Variants in PKLR observed in about 807,000 individuals in gnomAD.
The protein encoded by PKLR is pyruvate kinase PKLR.
A neutral mutation model predicts 53.6 loss-of-function variants in PKLR; 38 were observed. The observed-to-expected ratio is 0.71, with a 90% CI of 0.55 to 0.93. PKLR has a LOEUF of 0.93. Ranked by LOEUF, PKLR falls within the 40% of genes least tolerant of loss-of-function variation. The pLI is 0.00. For missense variants in PKLR, 702 were observed against 787.3 expected (o/e 0.89, Z 1.30); for synonymous variants, 328 against 316.2 (o/e 1.04, Z -0.39).
At position 155,293,013 on chromosome 1, in the gene PKLR, T is replaced by G. The variant is rs1024067425; in HGVS notation, c.1436+164A>C. Among the ~76,000 whole-genome samples the G allele has an allele frequency of 6.6e-6, 1 of 152,128 alleles. No individual in the cohort carries two copies. Among genetic ancestry groups the G allele is most frequent in the Admixed American group, 6.5e-5 (1 of 15,272 alleles). On this transcript the variant is annotated intron_variant, in intron 9 of 10. Transcript: ENST00000342741. The surrounding 1 kb of genome is among the most constrained non-coding windows in gnomAD (Gnocchi z 4.2). Reference sequence around the variant, plus strand: ...CCCCTTCCAGCCCCCAGAAGCTCACTGGCATTCTGTCTCTCCTGGCCTCCA... The same window carrying G: ...CCCCTTCCAGCCCCCAGAAGCTCACGGGCATTCTGTCTCTCCTGGCCTCCA...
the PKLR span, among the ~76,000 whole-genome samples, chr1:155,307,810 C>G: frequency 6.6e-6 from 1 of 152,152 alleles, no homozygotes; most frequent in African/African-American, 2.4e-5. Context: ...AACCCCCTCT[C>G]TACTAAAAAC....
chr1:155,295,418 TC>T lies in PKLR; in HGVS notation c.507+18del, dbSNP rs1647523766. ...GCCTTTCCGGCCCTGGCCCAGCGAGTCCCAGCCCCACTGCTCACCCCCTGCA... is the reference window on the plus strand; with the variant it reads ...GCCTTTCCGGCCCTGGCCCAGCGAGTCCAGCCCCACTGCTCACCCCCTGCA... On this transcript the variant is annotated intron_variant, in intron 4 of 10. Coordinates refer to ENST00000342741, the MANE Select transcript of PKLR (RefSeq NM_000298.6). The surrounding 1 kb of genome is among the most constrained non-coding windows in gnomAD (Gnocchi z 4.3). 1 of 1,611,276 alleles carries T rather than the reference TC, an allele frequency of 6.2e-7. No individual in the cohort carries two copies. The highest frequency in any genetic ancestry group is 8.5e-7 in the Non-Finnish European group (1 of 1,178,904).
At position 155,290,989 on chromosome 1, in the gene PKLR, AAATAATAATAATAATAAT is replaced by A. The variant is rs201306934; in HGVS notation, c.1619-329_1619-312del. Among the ~76,000 whole-genome samples the A allele has an allele frequency of 2.4e-3, 320 of 134,130 alleles. 1 individual carries two copies. Among genetic ancestry groups the A allele is most frequent in the African/African-American group, 4.3e-3 (154 of 35,956 alleles). The allele number at this position is 134,130 out of a possible 152,430, so 88.0% of individuals were successfully genotyped here. On this transcript the variant is annotated intron_variant, in intron 10 of 10. Transcript: ENST00000342741. ...GGGGACAGAGCAAGACTCCATCTCAAAATAATAATAATAATAATAATAATAATAATAATAATAATAATA... is the reference window on the plus strand; with the variant it reads ...GGGGACAGAGCAAGACTCCATCTCAAAATAATAATAATAATAATAATAATA...
In PKLR at chr1:155,299,030, CTTTCTCTT is replaced by C. The variant is rs1437315560; in HGVS notation, c.283+1060_283+1067del. 4.3e-4 allele frequency among the ~76,000 whole-genome samples: 36 copies of C among 84,698 alleles called. No individual in the cohort carries two copies. The East Asian group carries it at 4.6e-3, about 11-fold the overall frequency. The allele number at this position is 84,698 out of a possible 152,430, so 55.6% of individuals were successfully genotyped here. A position where few individuals can be genotyped will look rare whatever the true frequency, so the allele number is the denominator to read the frequency against. Reference sequence around the variant, plus strand: ...TCTTTCTTTCTTTCTTTCTTTCTTTCTTTCTCTTTCTTTCTTTCTTTCCTTCCTTCCTT... The same window carrying C: ...TCTTTCTTTCTTTCTTTCTTTCTTTCTCTTTCTTTCTTTCCTTCCTTCCTT... On this transcript the variant is annotated intron_variant, in intron 2 of 10. Coordinates refer to ENST00000342741, the MANE Select transcript of PKLR (RefSeq NM_000298.6).
Position 155,295,868 on chromosome 1 carries a change from G to T in PKLR, c.284-112C>A. On this transcript the variant is annotated intron_variant, in intron 2 of 10. Transcript: ENST00000342741. The surrounding 1 kb of genome is among the most constrained non-coding windows in gnomAD (Gnocchi z 4.3). ...TCACGCCACAGGCGTCCTGTTACCT[G>T]ATCTTTATTCCCTGATGCAACCCCT... The T allele has an allele frequency of 1.2e-6, 1 of 866,342 alleles. No individual in the cohort carries two copies. The highest frequency in any genetic ancestry group is 1.9e-6 in the Non-Finnish European group (1 of 522,410). 53.7% of individuals were successfully genotyped at this position (866,342 alleles called of 1,614,324 possible).
At chr1:155,294,889 CG>C (rs1647470320) in intron 5 of PKLR, 137 bp from the exon 6 acceptor site, 4 of 1,234,004 alleles carry the variant, frequency 3.2e-6, no homozygotes, top group Non-Finnish European at 4.6e-6. Context: ...TTCTGGGCTT[CG>C]CCCGGAAGAG....
At position 155,295,811 on chromosome 1, in the gene PKLR, C is replaced by T; in HGVS notation, c.284-55G>A. On this transcript the variant is annotated intron_variant, in intron 2 of 10. Coordinates refer to ENST00000342741, the MANE Select transcript of PKLR (RefSeq NM_000298.6). The surrounding 1 kb of genome is among the most constrained non-coding windows in gnomAD (Gnocchi z 4.3). ...GTTCCCCCAGAACATGAGAGGCAAC[C>T]AAACCCAACCCATTACCATTCTCAG... 1 of 1,461,542 alleles carries T rather than the reference C, an allele frequency of 6.8e-7. No homozygotes were observed. The highest frequency in any genetic ancestry group is 9.6e-7 in the Non-Finnish European group (1 of 1,041,866). The allele number at this position is 1,461,542 out of a possible 1,614,324, so 90.5% of individuals were successfully genotyped here.
chr1:155,292,426 A>G (rs1167076892), intron 9 of PKLR, among the ~76,000 whole-genome samples: 1 of 152,186 alleles, frequency 6.6e-6, no homozygotes, highest in Non-Finnish European at 1.5e-5. Flanking sequence ...ACCTGAGGTC[A>G]GGAGTTTGAG....
chr1:155,306,283 T>C (rs1466600546), upstream of PKLR, among the ~76,000 whole-genome samples: 2 of 152,150 alleles, frequency 1.3e-5, no homozygotes, highest in Non-Finnish European at 2.9e-5. This position sits in a 1 kb window ranked among gnomAD's most constrained non-coding sequence, Gnocchi z 4.2. Context: ...CAAACACACA[T>C]GCTCCAACAG....
In PKLR at chr1:155,293,304, G is replaced by C. The variant is rs1416978773; in HGVS notation, c.1309C>G (p.Leu437Val). 1.9e-6 allele frequency: 3 copies of C among 1,614,128 alleles called. No individual in the cohort carries two copies. The highest frequency in any genetic ancestry group is 2.5e-6 in the Non-Finnish European group (3 of 1,180,052). ...EAEAAVYHRQLFEELRRAAPL... is the reference protein window; with the variant it reads ...EAEAAVYHRQVFEELRRAAPL... ...GCTGCCCGACGTAGCTCCTCAAACA[G>C]CTGCCGGTGGTACACTGCGGCCTCT... The change falls in exon 9 of 11, where the codon CTG becomes GTG. Residue 437 changes from leucine (L) to valine (V), a missense_variant. Around this residue, in one of 2 missense-constraint regions of PKLR, gnomAD observed 183 missense variants for 250.2 expected, o/e 0.73. Coordinates refer to ENST00000342741, the MANE Select transcript of PKLR (RefSeq NM_000298.6). The surrounding 1 kb of genome is among the most constrained non-coding windows in gnomAD (Gnocchi z 4.2).
At chr1:155,307,678 A>T in the PKLR span, among the ~76,000 whole-genome samples, 10 of 152,228 alleles carry the variant, frequency 6.6e-5, no homozygotes, top group African/African-American at 9.6e-5. Flanking sequence ...TGTTTAGCTT[A>T]TAATCAATAA....
At position 155,300,259 on chromosome 1, in the gene PKLR, C is replaced by T. The variant is rs374805791; in HGVS notation, c.122G>A (p.Arg41Gln). The T allele has an allele frequency of 6.6e-5, 106 of 1,600,686 alleles. No individual in the cohort carries two copies. The East Asian group carries it at 8.2e-4, about 12-fold the overall frequency. ...APGGPAGYLR[R>Q]ASVAQLTQEL... The stretch of plus-strand genomic sequence containing the variant: ...CTGGGTCAGTTGGGCCACACTGGCC[C>T]GCCGCAGATACCCCGCTGGCCCTGT... The change falls in exon 2 of 11, where the codon CGG (arginine) becomes CAG (glutamine). Residue 41 changes from arginine (R) to glutamine (Q), a missense_variant. Around this residue, in one of 2 missense-constraint regions of PKLR, gnomAD observed 519 missense variants for 537.1 expected, o/e 0.97. Transcript: ENST00000342741.
rs1053134596 is a variant in PKLR at position 155,301,061 on chromosome 1, C to A, written c.100+235G>T. 16 of 1,533,316 alleles carry A rather than the reference C, an allele frequency of 1.0e-5. No individual in the cohort carries two copies. In the African/African-American group the frequency reaches 1.5e-4, roughly 14 times the overall value. The allele number at this position is 1,533,316 out of a possible 1,614,324, so 95.0% of individuals were successfully genotyped here. A position where few individuals can be genotyped will look rare whatever the true frequency, so the allele number is the denominator to read the frequency against. ...TATGCCAGGGGCCAGAGTCCAGGAA[C>A]CACGGGAGTGCCCCGTGGCTTACAT... On this transcript the variant is annotated intron_variant, in intron 1 of 10. Coordinates refer to ENST00000342741, the MANE Select transcript of PKLR (RefSeq NM_000298.6).
intron 10 of PKLR, 63 bp downstream of exon 10, chr1:155,291,693 A>G: frequency 6.8e-7 from 1 of 1,475,152 alleles, no homozygotes; most frequent in South Asian, 1.1e-5. Flanking sequence ...GGGTATGGGA[A>G]GCTGGGTTGG....
intron 2 of PKLR, among the ~76,000 whole-genome samples, chr1:155,298,815 G>A (rs971744428): frequency 6.7e-6 from 1 of 149,760 alleles, no homozygotes; most frequent in Non-Finnish European, 1.5e-5. Flanking sequence ...CTAATTTTTT[G>A]TATTTTTAGT....
upstream of PKLR, among the ~76,000 whole-genome samples, chr1:155,305,658 C>T (rs544513551): frequency 2.6e-5 from 4 of 152,262 alleles, no homozygotes; most frequent in East Asian, 7.7e-4. Context: ...GATACAGGGC[C>T]TTCCTCTGTA....
At position 155,293,615 on chromosome 1, in the gene PKLR, G is replaced by A. The variant is rs760811372; in HGVS notation, c.1117-25C>T. On this transcript the variant is annotated intron_variant, in intron 7 of 10. Transcript: ENST00000342741. The surrounding 1 kb of genome is among the most constrained non-coding windows in gnomAD (Gnocchi z 4.2). ...TCTGGGGGACAGCGTGGATGTCAAA[G>A]TTGTAGGACTCACACTGTGACTGGG... is the stretch of plus-strand genomic sequence containing the variant. 3 of 1,613,612 alleles carry A rather than the reference G, an allele frequency of 1.9e-6. No homozygotes were observed. The highest frequency in any genetic ancestry group is 2.5e-6 in the Non-Finnish European group (3 of 1,179,640).
rs772567442 is a variant in PKLR, at chr1:155,300,212, G to A, written c.169C>T (p.Gln57Ter). 1 of 1,613,510 alleles carries A rather than the reference G, an allele frequency of 6.2e-7. No homozygotes were observed. The highest frequency in any genetic ancestry group is 8.5e-7 in the Non-Finnish European group (1 of 1,179,740). ...LTQELGTAFFQQQQLPAAMAD... is the reference protein window; with the variant it reads ...LTQELGTAFF ...ATAGCAGCTGGCAGCTGCTGCTGCT[G>A]GAAGAAGGCAGTGCCCAGCTCCTGG... The change falls in exon 2 of 11, where the codon CAG (glutamine) becomes TAG (stop). Residue 57 changes from glutamine to a stop codon, truncating the protein, a stop_gained. Coordinates refer to ENST00000342741, the MANE Select transcript of PKLR (RefSeq NM_000298.6). LOFTEE classifies it high-confidence loss of function.
At position 155,293,319 on chromosome 1, in the gene PKLR, C is replaced by T; in HGVS notation, c.1294G>A (p.Val432Met). 6.2e-7 allele frequency: 1 copy of T among 1,614,268 alleles called. No homozygotes were observed. ...HAIAREAEAAVYHRQLFEELR... is the reference protein window; with the variant it reads ...HAIAREAEAAMYHRQLFEELR... ...TCCTCAAACAGCTGCCGGTGGTACA[C>T]TGCGGCCTCTGCCTCCCGGGCAATC... The change falls in exon 9 of 11, where the codon GTG becomes ATG. Residue 432 changes from valine (V) to methionine (M), a missense_variant. By Grantham distance (21) the Val-to-Met change is conservative. This residue lies in a region of PKLR where 183 missense variants were observed against 250.2 expected (regional missense o/e 0.73). Coordinates refer to ENST00000342741, the MANE Select transcript of PKLR (RefSeq NM_000298.6). This position sits in a 1 kb window ranked among gnomAD's most constrained non-coding sequence, Gnocchi z 4.2.
Sources: allele counts gnomAD v4.1 joint callset (sites outside exome capture counted in the v4.1 genomes callset), GRCh38; gene constraint gnomAD v4.1.1; regional missense constraint gnomAD v4.1.1; non-coding constraint Gnocchi (gnomAD v3.1); transcripts MANE v1.5; gene names NCBI Gene and HGNC (gene_info 2026-07-23, HGNC 2026-07-21).